Variants in MLLT3 observed in about 807,000 individuals in gnomAD.
MLLT3 encodes protein AF-9.
Under a neutral mutation model 53.2 loss-of-function variants are expected in MLLT3, and 4 were observed. The ratio of observed to expected loss-of-function variants is 0.08; its 90% confidence interval spans 0.04 to 0.17. MLLT3 has a LOEUF of 0.17. MLLT3 is among the 10% of genes least tolerant of loss of function. The pLI is 1.00. For synonymous variants in MLLT3, 283 were observed against 230.6 expected (o/e 1.23, Z -2.06); for missense variants, 569 against 684.0 (o/e 0.83, Z 1.87).
intron 2 of MLLT3, among the ~76,000 whole-genome samples, chr9:20,467,376 G>A (rs1364087265): frequency 2.6e-5 from 4 of 152,094 alleles, no homozygotes; most frequent in Non-Finnish European, 5.9e-5. Context: ...TCAAGAGAAG[G>A]AGAACATCCT....
At chr9:20,472,106 T>C (rs1160175616) in intron 2 of MLLT3, among the ~76,000 whole-genome samples, 18 of 152,092 alleles carry the variant, frequency 1.2e-4, no homozygotes, top group Admixed American at 1.2e-3. Flanking sequence ...TCTAGCTTCA[T>C]TTAGATAATG....
chr9:20,525,454 C>A (rs1214538522), intron 2 of MLLT3, among the ~76,000 whole-genome samples: 1 of 152,128 alleles, frequency 6.6e-6, no homozygotes, highest in Non-Finnish European at 1.5e-5. Context: ...TGAGATCCTG[C>A]CACTGCACTC....
intron 5 of MLLT3, among the ~76,000 whole-genome samples, chr9:20,408,031 A>C (rs1039929907): frequency 6.6e-6 from 1 of 152,212 alleles, no homozygotes; most frequent in Non-Finnish European, 1.5e-5. Context: ...TAGGTGATGT[A>C]GCTCTCTTAA....
intron 2 of MLLT3, among the ~76,000 whole-genome samples, chr9:20,506,252 G>A (rs1825378007): frequency 1.3e-5 from 2 of 152,078 alleles, no homozygotes; most frequent in Admixed American, 1.3e-4. Flanking sequence ...TGTTGGCCAG[G>A]CTGGTCTTGA....
rs180977606 is a variant in MLLT3 at position 20,430,812 on chromosome 9, A to G, written c.421-16387T>C. ...AGTAAAAAAGCCACTAACTGAGAAAACTAGGAAAATATGTCAATAGTAAAT... is the reference window on the plus strand; with the variant it reads ...AGTAAAAAAGCCACTAACTGAGAAAGCTAGGAAAATATGTCAATAGTAAAT... On this transcript the variant is annotated intron_variant, in intron 4 of 10. Coordinates refer to ENST00000380338, the MANE Select transcript of MLLT3 (RefSeq NM_004529.4). 3.9e-3 allele frequency among the ~76,000 whole-genome samples: 588 copies of G among 152,210 alleles called. 5 individuals carry two copies. Among genetic ancestry groups the G allele is most frequent in the African/African-American group, 0.013 (558 of 41,566 alleles).
chr9:20,371,590 G>A (rs1408783572), intron 5 of MLLT3, among the ~76,000 whole-genome samples: 2 of 152,214 alleles, frequency 1.3e-5, no homozygotes, highest in African/African-American at 2.4e-5. Flanking sequence ...CTACAGCATG[G>A]TTTACTGAAT....
At chr9:20,539,585 C>A (rs575354633) in intron 2 of MLLT3, among the ~76,000 whole-genome samples, 1 of 152,142 alleles carries the variant, frequency 6.6e-6, no homozygotes, top group Non-Finnish European at 1.5e-5. Context: ...TGAGAACTGA[C>A]TCACTATCAC....
intron 4 of MLLT3, among the ~76,000 whole-genome samples, chr9:20,416,162 T>C (rs1199446906): frequency 6.6e-6 from 1 of 152,014 alleles, no homozygotes; most frequent in Non-Finnish European, 1.5e-5. Flanking sequence ...AAATAAAGTA[T>C]AATGGACAAA....
chr9:20,361,232 AT>A (rs1292386228), intron 7 of MLLT3, among the ~76,000 whole-genome samples: 3 of 152,138 alleles, frequency 2.0e-5, no homozygotes, highest in African/African-American at 7.2e-5. Context: ...CCTACCTACT[AT>A]GATCAAGCAT....
At chr9:20,391,584 A>C (rs144547433) in intron 5 of MLLT3, among the ~76,000 whole-genome samples, 1 of 152,272 alleles carries the variant, frequency 6.6e-6, no homozygotes, top group East Asian at 1.9e-4. Flanking sequence ...TCACCTATCC[A>C]TCTATTTATT....
chr9:20,477,200 T>C (rs189591498), intron 2 of MLLT3, among the ~76,000 whole-genome samples: 2 of 152,322 alleles, frequency 1.3e-5, no homozygotes, highest in African/African-American at 4.8e-5. Flanking sequence ...TTCTTCTATT[T>C]GCCAGGAGAA....
chr9:20,479,198 G>GTTTGTT (rs1184323232), intron 2 of MLLT3, among the ~76,000 whole-genome samples: 1 of 152,078 alleles, frequency 6.6e-6, no homozygotes, highest in East Asian at 1.9e-4. Flanking sequence ...CTGCTGGCTG[G>GTTTGTT]TTTGTTTTTG....
At chr9:20,347,255 G>A (rs1166508987) in intron 10 of MLLT3, among the ~76,000 whole-genome samples, 2 of 151,966 alleles carry the variant, frequency 1.3e-5, no homozygotes, top group African/African-American at 2.4e-5. Context: ...CTACCTGAAT[G>A]CTTTGTTATA....
chr9:20,590,100 T>C (rs1174781529), intron 2 of MLLT3, among the ~76,000 whole-genome samples: 1 of 152,168 alleles, frequency 6.6e-6, no homozygotes, highest in Non-Finnish European at 1.5e-5. Flanking sequence ...AGGTCAGCTG[T>C]TAGAAGTTGG....
At chr9:20,551,327 A>G (rs564929843) in intron 2 of MLLT3, among the ~76,000 whole-genome samples, 1 of 152,140 alleles carries the variant, frequency 6.6e-6, no homozygotes, top group African/African-American at 2.4e-5. Flanking sequence ...CTTTAATCCA[A>G]TGCATTCCAC....
At chr9:20,498,569 T>C (rs1183855081) in intron 2 of MLLT3, among the ~76,000 whole-genome samples, 2 of 152,198 alleles carry the variant, frequency 1.3e-5, no homozygotes, top group African/African-American at 2.4e-5. Context: ...CAGCCCAAGA[T>C]GGCTTTCAAT....
In MLLT3 at chr9:20,620,293, A is replaced by ACACACACACACACG. The variant is rs1176274864; in HGVS notation, c.193+360_193+361insCGTGTGTGTGTGTG. On this transcript the variant is annotated intron_variant, in intron 2 of 10. Transcript: ENST00000380338. This position sits in a 1 kb window ranked among gnomAD's most constrained non-coding sequence, Gnocchi z 6.1. ...CACACACACACACACACACACACACACGCGCAAAGTGTTTATTCCCTCCAG... is the reference window on the plus strand; with the variant it reads ...CACACACACACACACACACACACACACACACACACACACGCGCGCAAAGTGTTTATTCCCTCCAG... 6.9e-6 allele frequency among the ~76,000 whole-genome samples: 1 copy of ACACACACACACACG among 145,962 alleles called. No homozygotes were observed. The highest frequency in any genetic ancestry group is 1.5e-5 in the Non-Finnish European group (1 of 65,634).
In MLLT3 at chr9:20,417,873, T is replaced by G. The variant is rs568820051; in HGVS notation, c.421-3448A>C. Among the ~76,000 whole-genome samples the G allele has an allele frequency of 9.8e-5, 15 of 152,328 alleles. No individual in the cohort carries two copies. The South Asian group carries it at 1.5e-3, about 15-fold the overall frequency. ...GCCAGAATAAGGTTTTCTGATTATA[T>G]GTGGCTTTCAGTTTCCATGTTATCT... On this transcript the variant is annotated intron_variant, in intron 4 of 10. Transcript: ENST00000380338.
chr9:20,372,131 T>C (rs1821621151), intron 5 of MLLT3, among the ~76,000 whole-genome samples: 1 of 152,212 alleles, frequency 6.6e-6, no homozygotes. Flanking sequence ...TTTGAATGGA[T>C]GAGGAGTTGC....
Sources: allele counts gnomAD v4.1 joint callset (sites outside exome capture counted in the v4.1 genomes callset), GRCh38; gene constraint gnomAD v4.1.1; non-coding constraint Gnocchi (gnomAD v3.1); transcripts MANE v1.5; gene names NCBI Gene and HGNC (gene_info 2026-07-23, HGNC 2026-07-21).